PCID2: variants seen among roughly 807,000 people sequenced by gnomAD.
PCID2 encodes the protein PCI domain containing 2.
In PCID2, 41 loss-of-function variants were observed where a neutral mutation model predicts 61.3. The ratio of observed to expected loss-of-function variants is 0.67; its 90% CI spans 0.52 to 0.87. The LOEUF (loss-of-function observed/expected upper bound fraction) is 0.87. Among genes scored for constraint, PCID2 ranks in the 40% least tolerant of loss-of-function variants. The probability of loss-of-function intolerance (pLI) is 0.00; values close to 1 mark genes in which losing one functional copy is unlikely to be tolerated. For missense variants in PCID2, 392 were observed against 493.4 expected (o/e 0.79, Z 1.95); for synonymous variants, 187 against 177.8 (o/e 1.05, Z -0.41).
chr13:113,203,241 G>A (rs953112811), intron 1 of PCID2, among the ~76,000 whole-genome samples: 1 of 152,206 alleles, frequency 6.6e-6, no homozygotes, highest in Admixed American at 6.5e-5. Flanking sequence ...CAGGTTTTCT[G>A]CCTTCATAGG....
chr13:113,198,098 A>G, intron 3 of PCID2, 93 bp downstream of exon 3: 1 of 846,416 alleles, frequency 1.2e-6, no homozygotes, highest in South Asian at 1.7e-5. Context: ...TCAGTTATTC[A>G]CTGCTTCAAG....
At position 113,208,230 on chromosome 13, in the gene PCID2, G is replaced by A. The variant is rs898344405; in HGVS notation, c.36+369C>T. 17 of 1,493,916 alleles carry A rather than the reference G, an allele frequency of 1.1e-5. No individual in the cohort carries two copies. In the East Asian group the frequency reaches 3.1e-4, roughly 27 times the overall value. 92.5% of individuals were successfully genotyped at this position (1,493,916 alleles called of 1,614,324 possible). On this transcript the variant is annotated intron_variant, in intron 1 of 13. Transcript: ENST00000337344. ...TCCTGCTGGGAAACAGCGTCCATCC[G>A]ACACAGCACCGCCCACAGCGGGCCC...
In PCID2 at chr13:113,208,604, G is replaced by A; in HGVS notation, c.31C>T (p.Gln11Ter). 1 of 1,606,706 alleles carries A rather than the reference G, an allele frequency of 6.2e-7. No individual in the cohort carries two copies. Among genetic ancestry groups the A allele is most frequent in the African/African-American group, 1.3e-5 (1 of 74,536 alleles). Reference protein sequence around the residue: MAHITINQYLQQVYEAIDSRD... With the variant: MAHITINQYL The stretch of plus-strand genomic sequence containing the variant: ...GCTCCCCGGCTAGGACCCACCTGCT[G>A]CAGGTACTGGTTAATGGTAATGTGC... The change falls in exon 1 of 14, where the codon CAG becomes TAG. Residue 11 changes from glutamine to a stop codon, truncating the protein, a stop_gained. Transcript: ENST00000337344. LOFTEE classifies it high-confidence loss of function.
the PCID2 span, chr13:113,165,018 T>C: frequency 6.2e-7 from 1 of 1,606,872 alleles, no homozygotes; most frequent in Middle Eastern, 1.7e-4. Context: ...GAGAAGGCGC[T>C]GATTTTTATT....
chr13:113,175,001 G>T (rs2037165793), downstream of PCID2, among the ~76,000 whole-genome samples: 1 of 152,188 alleles, frequency 6.6e-6, no homozygotes, highest in Non-Finnish European at 1.5e-5. Context: ...GATCACGGGG[G>T]CGGCTCCCCC....
chr13:113,203,308 C>A lies in PCID2; in HGVS notation c.37-2792G>T, dbSNP rs532328075. Among the ~76,000 whole-genome samples, 262 of 152,344 alleles carry A rather than the reference C, an allele frequency of 1.7e-3. 1 individual carries two copies. Among genetic ancestry groups the A allele is most frequent in the African/African-American group, 6.1e-3 (254 of 41,578 alleles). On this transcript the variant is annotated intron_variant, in intron 1 of 13. Transcript: ENST00000337344. ...GCCCCAGTCCATGCAAGGTCACAAG[C>A]TGCTGCTCAACGTCACATCATAGCC...
At chr13:113,170,559 A>C in the PCID2 span, 2 of 1,337,798 alleles carry the variant, frequency 1.5e-6, no homozygotes, top group East Asian at 4.6e-5. Context: ...GTTTTTATAA[A>C]ACCACATTGG....
chr13:113,198,229 C>T lies in PCID2; in HGVS notation c.162G>A (p.Leu54=), dbSNP rs759755693. The T allele has an allele frequency of 1.9e-6, 3 of 1,608,388 alleles. No homozygotes were observed. Among genetic ancestry groups the T allele is most frequent in the Non-Finnish European group, 2.5e-6 (3 of 1,177,852 alleles). Residue 54 remains leucine (L), a synonymous_variant, in exon 3 of 14, where the codon TTG becomes TTA. Coordinates refer to ENST00000337344, the MANE Select transcript of PCID2 (RefSeq NM_001127202.4). ...CAAACATTTCATCATAAGGGGGTTC[C>T]AAGACTTGTTGACACTTCTCCTCTG... is the stretch of plus-strand genomic sequence containing the variant. The part of the protein sequence containing the change: ...ASPEEKCQQV[L]EPPYDEMFAA...
chr13:113,186,076 G>C (rs1213939461), intron 7 of PCID2: 1 of 154,564 alleles, frequency 6.5e-6, no homozygotes, highest in Non-Finnish European at 1.4e-5. Flanking sequence ...TCATCAGTAC[G>C]ACAAAACAAA....
chr13:113,171,804 G>A, the PCID2 span: 3 of 1,613,520 alleles, frequency 1.9e-6, no homozygotes, highest in Non-Finnish European at 2.5e-6. The surrounding 1 kb of genome is among the most constrained non-coding windows in gnomAD (Gnocchi z 5.1). Context: ...GGCCTCCTCA[G>A]CGGCTGGGCA....
intron 6 of PCID2, among the ~76,000 whole-genome samples, chr13:113,193,165 C>G (rs948532397): frequency 1.3e-5 from 2 of 152,112 alleles, no homozygotes; most frequent in Non-Finnish European, 2.9e-5. Context: ...ACATGACTAA[C>G]ACAAGATATT....
chr13:113,171,936 G>C, the PCID2 span: 3 of 1,613,666 alleles, frequency 1.9e-6, no homozygotes, highest in Non-Finnish European at 2.5e-6. The surrounding 1 kb of genome is among the most constrained non-coding windows in gnomAD (Gnocchi z 5.1). Context: ...GAGAGAAGCA[G>C]CGTGGCGGCC....
chr13:113,170,282 C>T, the PCID2 span: 19 of 609,054 alleles, frequency 3.1e-5, no homozygotes, highest in African/African-American at 9.0e-5. Flanking sequence ...GAATCAAATA[C>T]GGCTGTCTGC....
chr13:113,191,604 G>A (rs1014769075), intron 6 of PCID2, among the ~76,000 whole-genome samples: 7 of 152,248 alleles, frequency 4.6e-5, no homozygotes, highest in Admixed American at 3.3e-4. Flanking sequence ...AAATAAAAAC[G>A]TTTAACAAAT....
rs2038036191 is a variant in PCID2, at chr13:113,185,575, T to C, written c.468-15A>G. 2 of 1,542,308 alleles carry C rather than the reference T, an allele frequency of 1.3e-6. No homozygotes were observed. The highest frequency in any genetic ancestry group is 1.8e-6 in the Non-Finnish European group (2 of 1,122,086). On this transcript the variant is annotated splice_polypyrimidine_tract_variant and intron_variant, in intron 7 of 13. Transcript: ENST00000337344. The stretch of plus-strand genomic sequence containing the variant: ...TACCAGCACGGCTATGGGGAAATAA[T>C]TTTTTTTAAGTTACATAGGAAATAA...
chr13:113,170,864 C>T, the PCID2 span, among the ~76,000 whole-genome samples: 1 of 151,712 alleles, frequency 6.6e-6, no homozygotes, highest in Admixed American at 6.6e-5. Flanking sequence ...TCGAATCCCC[C>T]AGCAGTTGAG....
downstream of PCID2, among the ~76,000 whole-genome samples, chr13:113,176,703 C>T (rs547520334): frequency 5.7e-4 from 87 of 152,242 alleles, no homozygotes; most frequent in African/African-American, 2.1e-3. Flanking sequence ...GTCGAGGCTG[C>T]AGTAAGCACT....
At chr13:113,166,585 G>A in the PCID2 span, among the ~76,000 whole-genome samples, 1 of 152,230 alleles carries the variant, frequency 6.6e-6, no homozygotes, top group Non-Finnish European at 1.5e-5. Flanking sequence ...CTCCAAGGTG[G>A]AGAGGAAGAA....
At chr13:113,171,479 G>A in the PCID2 span, 45 of 1,332,980 alleles carry the variant, frequency 3.4e-5, no homozygotes, top group Admixed American at 3.1e-4. The surrounding 1 kb of genome is among the most constrained non-coding windows in gnomAD (Gnocchi z 5.1). Flanking sequence ...GTGAGCCTGC[G>A]GGTCCTCCAG....
Sources: allele counts gnomAD v4.1 joint callset (sites outside exome capture counted in the v4.1 genomes callset), GRCh38; gene constraint gnomAD v4.1.1; non-coding constraint Gnocchi (gnomAD v3.1); transcripts MANE v1.5; gene names NCBI Gene and HGNC (gene_info 2026-07-23, HGNC 2026-07-21).